Variants in ITFG1 observed in about 807,000 individuals in gnomAD.
ITFG1 encodes integrin alpha FG-GAP repeat containing 1.
In ITFG1, 34 loss-of-function variants were observed where a neutral mutation model predicts 81.8. The observed-to-expected ratio is 0.42, with a 90% CI of 0.32 to 0.55. ITFG1 has a LOEUF of 0.55. Ranked by LOEUF, ITFG1 falls within the 20% of genes least tolerant of loss-of-function variation. ITFG1 has a pLI of 0.17. For missense variants in ITFG1, 672 were observed against 755.4 expected (o/e 0.89, Z 1.29); for synonymous variants, 285 against 270.6 (o/e 1.05, Z -0.52).
At chr16:47,225,577 T>A (rs1392630019) in intron 13 of ITFG1, among the ~76,000 whole-genome samples, 3 of 152,182 alleles carry the variant, frequency 2.0e-5, no homozygotes, top group South Asian at 2.1e-4. Context: ...GGACAAGGTA[T>A]CCTCAGAAAG....
intron 8 of ITFG1, among the ~76,000 whole-genome samples, chr16:47,335,405 AAAC>A (rs1967691116): frequency 6.6e-6 from 1 of 152,078 alleles, no homozygotes; most frequent in Admixed American, 6.6e-5. Context: ...AAGTCCCCCA[AAAC>A]AACAAAAAAC....
intron 5 of ITFG1, among the ~76,000 whole-genome samples, chr16:47,435,534 A>G (rs928310128): frequency 6.6e-6 from 1 of 152,256 alleles, no homozygotes; most frequent in African/African-American, 2.4e-5. Flanking sequence ...TGAATTTGTC[A>G]AAGAATGAAT....
chr16:47,413,198 G>A (rs145244924), intron 6 of ITFG1, among the ~76,000 whole-genome samples: 13 of 152,278 alleles, frequency 8.5e-5, no homozygotes, highest in Admixed American at 4.6e-4. Flanking sequence ...GAGACTGGGG[G>A]CCTATTTTCA....
intron 8 of ITFG1, among the ~76,000 whole-genome samples, chr16:47,336,482 C>G (rs753192147): frequency 2.6e-5 from 4 of 152,160 alleles, no homozygotes; most frequent in Non-Finnish European, 5.9e-5. Flanking sequence ...TCTAACGTGT[C>G]TAGGGACTAT....
intron 5 of ITFG1, among the ~76,000 whole-genome samples, chr16:47,446,063 A>C (rs1969320999): frequency 6.6e-6 from 1 of 152,204 alleles, no homozygotes; most frequent in South Asian, 2.1e-4. Context: ...AGAAAGAAAA[A>C]AAAAAGAGGC....
At chr16:47,305,559 C>T (rs1967145284) in intron 10 of ITFG1, among the ~76,000 whole-genome samples, 1 of 152,082 alleles carries the variant, frequency 6.6e-6, no homozygotes, top group African/African-American at 2.4e-5. Context: ...TAGAAATTTA[C>T]AGGAGTCACA....
intron 14 of ITFG1, among the ~76,000 whole-genome samples, chr16:47,181,351 T>TG (rs768628279): frequency 1.6e-3 from 217 of 138,936 alleles, no homozygotes; most frequent in Non-Finnish European, 1.5e-3. Context: ...GGGAGGGAGG[T>TG]GGGGGGGTCA....
intron 14 of ITFG1, among the ~76,000 whole-genome samples, chr16:47,181,741 A>G (rs1249004033): frequency 6.6e-6 from 1 of 152,168 alleles, no homozygotes; most frequent in African/African-American, 2.4e-5. Context: ...GGAATAGTAA[A>G]GGGGGAAAGG....
chr16:47,303,353 T>C (rs1967107353), intron 10 of ITFG1, among the ~76,000 whole-genome samples: 1 of 152,216 alleles, frequency 6.6e-6, no homozygotes, highest in Non-Finnish European at 1.5e-5. Flanking sequence ...TTTCTGTCTT[T>C]GCTTATGAAG....
intron 14 of ITFG1, among the ~76,000 whole-genome samples, chr16:47,173,568 T>G (rs1295925972): frequency 6.6e-6 from 1 of 152,194 alleles, no homozygotes; most frequent in Non-Finnish European, 1.5e-5. Flanking sequence ...ACATCACGAT[T>G]GTCTACCAAA....
In ITFG1 at chr16:47,155,624, AAAT is replaced by A. The variant is rs544350023; in HGVS notation, c.*92_*94del. The A allele has an allele frequency of 4.9e-4, 380 of 771,262 alleles. 4 individuals carry two copies. The South Asian group carries it at 6.2e-3, about 13-fold the overall frequency. 47.8% of individuals were successfully genotyped at this position (771,262 alleles called of 1,614,324 possible). A position where few individuals can be genotyped will look rare whatever the true frequency, so the allele number is the denominator to read the frequency against. ...AATTACCATGGGATACATCATTTATAAATAATATTTAATCTCCCCTATTTTTTC... is the reference window on the plus strand; with the variant it reads ...AATTACCATGGGATACATCATTTATAAATATTTAATCTCCCCTATTTTTTC... On this transcript the variant is annotated 3_prime_UTR_variant, in exon 18 of 18. Transcript: ENST00000320640.
chr16:47,279,506 T>C (rs2035294041), intron 10 of ITFG1, among the ~76,000 whole-genome samples: 1 of 152,200 alleles, frequency 6.6e-6, no homozygotes, highest in Non-Finnish European at 1.5e-5. Context: ...TCTACTGCCT[T>C]GCCAATACCA....
chr16:47,349,873 G>T (rs1021826149), intron 8 of ITFG1, among the ~76,000 whole-genome samples: 2 of 152,184 alleles, frequency 1.3e-5, no homozygotes, highest in African/African-American at 2.4e-5. Flanking sequence ...TCAGACCACA[G>T]TGCAATCAAA....
intron 10 of ITFG1, among the ~76,000 whole-genome samples, chr16:47,300,932 CTAAG>C (rs1428260628): frequency 6.6e-6 from 1 of 152,180 alleles, no homozygotes. Context: ...AATTCTACTA[CTAAG>C]TGAGTGATCT....
intron 8 of ITFG1, among the ~76,000 whole-genome samples, chr16:47,362,018 A>T (rs1968115800): frequency 6.6e-6 from 1 of 152,118 alleles, no homozygotes; most frequent in African/African-American, 2.4e-5. Context: ...TAATGTGATA[A>T]CTTTAAAGCG....
chr16:47,349,904 A>T (rs1172756605), intron 8 of ITFG1, among the ~76,000 whole-genome samples: 1 of 152,218 alleles, frequency 6.6e-6, no homozygotes, highest in African/African-American at 2.4e-5. Flanking sequence ...GGATTAAGAA[A>T]CTCACTCAAA....
intron 14 of ITFG1, among the ~76,000 whole-genome samples, chr16:47,209,655 C>T (rs979139999): frequency 2.7e-4 from 41 of 152,166 alleles, no homozygotes; most frequent in African/African-American, 8.7e-4. Flanking sequence ...ACGTTTCCAT[C>T]ACCACAAGGA....
intron 5 of ITFG1, 88 bp from the exon 6 acceptor site, chr16:47,428,986 AAATTT>A (rs1241018266): frequency 4.1e-6 from 3 of 734,636 alleles, no homozygotes; most frequent in Admixed American, 5.6e-5. Context: ...CAAAACACTT[AAATTT>A]ATTTATTTTC....
At chr16:47,340,340 T>C (rs984752450) in intron 8 of ITFG1, among the ~76,000 whole-genome samples, 8 of 152,186 alleles carry the variant, frequency 5.3e-5, no homozygotes, top group South Asian at 2.1e-4. Flanking sequence ...AATGTATAAA[T>C]ATTATGTATT....
Sources: gnomAD v4.1 joint callset for allele counts (sites outside exome capture counted in the v4.1 genomes callset) on GRCh38, gnomAD v4.1.1 for gene constraint, MANE v1.5 for transcripts, NCBI Gene and HGNC (gene_info 2026-07-23, HGNC 2026-07-21) for gene names.